The following CCSER1 variants were observed in gnomAD, a reference collection of about 807,000 sequenced individuals.
The protein encoded by CCSER1 is coiled-coil serine rich protein 1.
A neutral mutation model predicts 82.0 loss-of-function variants in CCSER1; 41 were observed. That is an observed-to-expected ratio of 0.50 (90% CI 0.39 to 0.65). The LOEUF is 0.65. CCSER1 is among the 30% of genes least tolerant of loss of function. CCSER1 has a pLI of 0.00. For synonymous variants in CCSER1, 414 were observed against 383.9 expected (o/e 1.08, Z -0.92); for missense variants, 1,119 against 1,064.2 (o/e 1.05, Z -0.72).
intron 8 of CCSER1, among the ~76,000 whole-genome samples, chr4:90,847,854 T>A (rs557241207): frequency 6.6e-6 from 1 of 152,314 alleles, no homozygotes; most frequent in East Asian, 1.9e-4. Flanking sequence ...TTGCTATAGA[T>A]ATGCAGTTTT....
chr4:91,080,083 G>T (rs1299616776), intron 9 of CCSER1, among the ~76,000 whole-genome samples: 3 of 152,124 alleles, frequency 2.0e-5, no homozygotes, highest in African/African-American at 7.2e-5. Context: ...GACATCTACA[G>T]AACTCTCCAC....
At chr4:90,646,187 ATC>A (rs1727555767) in intron 6 of CCSER1, among the ~76,000 whole-genome samples, 1 of 152,134 alleles carries the variant, frequency 6.6e-6, no homozygotes, top group Non-Finnish European at 1.5e-5. Flanking sequence ...TAACATCTAA[ATC>A]TCTGTGCATA....
intron 5 of CCSER1, among the ~76,000 whole-genome samples, chr4:90,588,426 A>G (rs1320712529): frequency 6.6e-6 from 1 of 152,340 alleles, no homozygotes; most frequent in South Asian, 2.1e-4. Flanking sequence ...TTCTTCATTT[A>G]TAAGAAGCAA....
intron 4 of CCSER1, among the ~76,000 whole-genome samples, chr4:90,424,450 C>G (rs1433877952): frequency 1.3e-5 from 2 of 152,146 alleles, no homozygotes; most frequent in Non-Finnish European, 1.5e-5. Context: ...ATACCGCTAA[C>G]TATAATACTC....
At chr4:90,706,828 A>T (rs1187884303) in intron 6 of CCSER1, among the ~76,000 whole-genome samples, 5 of 152,210 alleles carry the variant, frequency 3.3e-5, no homozygotes, top group Non-Finnish European at 7.4e-5. Context: ...TGTTTGCCAC[A>T]GGATATGCTA....
intron 4 of CCSER1, among the ~76,000 whole-genome samples, chr4:90,405,168 A>G (rs1231613821): frequency 2.0e-5 from 3 of 152,108 alleles, no homozygotes; most frequent in East Asian, 1.9e-4. Flanking sequence ...ATAAATAAAA[A>G]ATAATCACAA....
At chr4:90,847,828 A>T (rs72879447) in intron 8 of CCSER1, among the ~76,000 whole-genome samples, 3,775 of 152,010 alleles carry the variant, frequency 0.025, 128 homozygotes, top group African/African-American at 0.079. Flanking sequence ...TTTTGATTTG[A>T]TTGCTGTTTT....
chr4:90,556,313 A>G (rs114388519), intron 5 of CCSER1, among the ~76,000 whole-genome samples: 483 of 152,268 alleles, frequency 3.2e-3, no homozygotes, highest in African/African-American at 0.011. Context: ...AGGCTCATAT[A>G]TGAAGAATAA....
chr4:90,637,083 A>G (rs1005893644), intron 6 of CCSER1, among the ~76,000 whole-genome samples: 3 of 152,146 alleles, frequency 2.0e-5, no homozygotes, highest in Admixed American at 6.6e-5. Context: ...CAAAGTTTCT[A>G]TGGTTAGGAG....
At chr4:91,005,799 A>G (rs916954563) in intron 9 of CCSER1, among the ~76,000 whole-genome samples, 5 of 152,058 alleles carry the variant, frequency 3.3e-5, no homozygotes, top group African/African-American at 1.2e-4. Flanking sequence ...TGGATATCCA[A>G]TTTTCCCAGC....
intron 10 of CCSER1, among the ~76,000 whole-genome samples, chr4:91,334,632 A>C (rs1747195800): frequency 1.3e-5 from 2 of 152,062 alleles, no homozygotes; most frequent in Admixed American, 6.6e-5. Context: ...TCCTGATCAG[A>C]GAAATCTAAA....
chr4:91,038,139 C>A (rs916881282), intron 9 of CCSER1, among the ~76,000 whole-genome samples: 15 of 152,200 alleles, frequency 9.9e-5, no homozygotes, highest in African/African-American at 3.6e-4. Flanking sequence ...CAAATGCTAG[C>A]ATTGACATAA....
chr4:90,321,677 T>A (rs1299430993), intron 3 of CCSER1, among the ~76,000 whole-genome samples: 1 of 152,290 alleles, frequency 6.6e-6, no homozygotes. Context: ...TACCTTTTCA[T>A]CAACAGTGTA....
chr4:90,930,707 T>G (rs768776577), intron 9 of CCSER1, among the ~76,000 whole-genome samples: 38 of 151,700 alleles, frequency 2.5e-4, no homozygotes, highest in Non-Finnish European at 4.6e-4. Flanking sequence ...TTGAAGTATC[T>G]CTCATTATCT....
At chr4:91,157,612 T>A (rs1436985626) in intron 10 of CCSER1, among the ~76,000 whole-genome samples, 1 of 152,026 alleles carries the variant, frequency 6.6e-6, no homozygotes, top group African/African-American at 2.4e-5. Flanking sequence ...TCATGTATAT[T>A]TATATCTCCA....
intron 5 of CCSER1, among the ~76,000 whole-genome samples, chr4:90,511,671 A>G (rs1258334752): frequency 6.6e-6 from 1 of 152,192 alleles, no homozygotes; most frequent in Non-Finnish European, 1.5e-5. Flanking sequence ...TCTGCAGATA[A>G]TAAAAGATGA....
chr4:90,888,815 A>C (rs1722534443), intron 8 of CCSER1, among the ~76,000 whole-genome samples: 1 of 152,194 alleles, frequency 6.6e-6, no homozygotes, highest in Non-Finnish European at 1.5e-5. Context: ...TGATGTTACT[A>C]TAGCATTAGT....
chr4:91,551,131 G>A (rs1762138077), intron 10 of CCSER1, among the ~76,000 whole-genome samples: 1 of 151,714 alleles, frequency 6.6e-6, no homozygotes, highest in African/African-American at 2.4e-5. Flanking sequence ...ATATATTTAG[G>A]GAAGCAATAA....
intron 4 of CCSER1, among the ~76,000 whole-genome samples, chr4:90,400,587 A>G (rs1052765731): frequency 4.6e-5 from 7 of 152,256 alleles, no homozygotes; most frequent in Admixed American, 4.6e-4. Flanking sequence ...TCTCAAAAGT[A>G]CTAATTACCA....
Sources: gnomAD v4.1 joint callset for allele counts (sites outside exome capture counted in the v4.1 genomes callset) on GRCh38, gnomAD v4.1.1 for gene constraint, MANE v1.5 for transcripts, NCBI Gene and HGNC (gene_info 2026-07-23, HGNC 2026-07-21) for gene names.